Variants in MGAT4C observed in about 807,000 individuals in gnomAD.
MGAT4C encodes the protein alpha-1,3-mannosyl-glycoprotein 4-beta-N-acetylglucosaminyltransferase C.
A neutral mutation model predicts 40.1 loss-of-function variants in MGAT4C; 19 were observed. The ratio of observed to expected loss-of-function variants is 0.47; its 90% confidence interval spans 0.33 to 0.70. MGAT4C has a LOEUF of 0.70. Ranked by LOEUF, MGAT4C falls within the 30% of genes least tolerant of loss-of-function variation. The pLI is 0.02. For synonymous variants in MGAT4C, 181 were observed against 187.1 expected (o/e 0.97, Z 0.27); for missense variants, 491 against 563.2 (o/e 0.87, Z 1.30).
At chr12:86,502,244 C>T (rs1455041919) in intron 2 of MGAT4C, among the ~76,000 whole-genome samples, 2 of 151,812 alleles carry the variant, frequency 1.3e-5, no homozygotes, top group Non-Finnish European at 2.9e-5. Context: ...AGAAGCAAAT[C>T]CTAAAATGAT....
intron 2 of MGAT4C, among the ~76,000 whole-genome samples, chr12:86,022,020 G>A (rs1889784323): frequency 6.6e-6 from 1 of 152,094 alleles, no homozygotes; most frequent in Non-Finnish European, 1.5e-5. Flanking sequence ...CTGTTTAAGT[G>A]TTGTTTTTCT....
chr12:86,200,586 A>C (rs1364722203), intron 1 of MGAT4C, among the ~76,000 whole-genome samples: 1 of 152,058 alleles, frequency 6.6e-6, no homozygotes, highest in Non-Finnish European at 1.5e-5. Context: ...TGTAGTTTCA[A>C]TATTTGTTTC....
At chr12:86,412,775 A>G (rs1467360879) in intron 3 of MGAT4C, among the ~76,000 whole-genome samples, 1 of 152,168 alleles carries the variant, frequency 6.6e-6, no homozygotes, top group Non-Finnish European at 1.5e-5. Context: ...GGGACCATGG[A>G]CCAAATTATA....
At chr12:85,990,284 T>A (rs1027697476) in intron 2 of MGAT4C, among the ~76,000 whole-genome samples, 3 of 152,066 alleles carry the variant, frequency 2.0e-5, no homozygotes, top group South Asian at 2.1e-4. Flanking sequence ...TTTAAAAAAA[T>A]TTTTACTCTT....
At chr12:86,587,513 G>T (rs1961107685) in intron 2 of MGAT4C, among the ~76,000 whole-genome samples, 1 of 151,852 alleles carries the variant, frequency 6.6e-6, no homozygotes, top group Admixed American at 6.6e-5. Flanking sequence ...TGATGGGGAT[G>T]GCATTGAATC....
intron 2 of MGAT4C, among the ~76,000 whole-genome samples, chr12:86,717,115 C>T (rs1313935049): frequency 6.6e-6 from 1 of 151,652 alleles, no homozygotes; most frequent in African/African-American, 2.4e-5. Flanking sequence ...AAAGGACTTC[C>T]TCTGCCTTAG....
intron 3 of MGAT4C, among the ~76,000 whole-genome samples, chr12:86,390,981 T>C (rs534947172): frequency 1.3e-5 from 2 of 152,318 alleles, no homozygotes; most frequent in South Asian, 4.1e-4. Flanking sequence ...AATAAACATA[T>C]CTGATTTCCA....
chr12:86,736,718 C>T (rs984730584), intron 1 of MGAT4C, among the ~76,000 whole-genome samples: 1 of 151,794 alleles, frequency 6.6e-6, no homozygotes, highest in Non-Finnish European at 1.5e-5. Flanking sequence ...AAATTATCCA[C>T]TGTCTGCTGT....
chr12:86,027,083 A>G (rs1890309080), intron 2 of MGAT4C, among the ~76,000 whole-genome samples: 1 of 151,982 alleles, frequency 6.6e-6, no homozygotes, highest in Admixed American at 6.6e-5. Flanking sequence ...ACAATGAATC[A>G]TTATTAGGAA....
At chr12:86,303,097 T>C (rs1490239692) in intron 4 of MGAT4C, among the ~76,000 whole-genome samples, 1 of 150,678 alleles carries the variant, frequency 6.6e-6, no homozygotes, top group Non-Finnish European at 1.5e-5. Flanking sequence ...TTTTACAGTA[T>C]TCTCACTGTA....
chr12:86,111,259 G>A (rs1877353732), intron 1 of MGAT4C, among the ~76,000 whole-genome samples: 1 of 151,716 alleles, frequency 6.6e-6, no homozygotes, highest in African/African-American at 2.4e-5. Context: ...AGAAAATGAG[G>A]ATGGGAATTT....
chr12:86,555,938 A>C (rs1959589769), intron 2 of MGAT4C, among the ~76,000 whole-genome samples: 1 of 152,174 alleles, frequency 6.6e-6, no homozygotes. Context: ...TGATCACTTC[A>C]ACAATATAAA....
chr12:85,983,350 C>T (rs1474913807), intron 4 of MGAT4C, among the ~76,000 whole-genome samples, 173 bp downstream of exon 4: 11 of 152,012 alleles, frequency 7.2e-5, no homozygotes, highest in African/African-American at 2.4e-4. Context: ...ATTAAGTGTA[C>T]TGGGTCAGTG....
At chr12:86,324,660 T>C (rs1477226748) in intron 4 of MGAT4C, among the ~76,000 whole-genome samples, 6 of 152,026 alleles carry the variant, frequency 3.9e-5, no homozygotes, top group Non-Finnish European at 8.8e-5. Flanking sequence ...AATGAGAATA[T>C]ATACGCTTTG....
chr12:86,128,676 A>C (rs1000433939), intron 1 of MGAT4C, among the ~76,000 whole-genome samples: 4 of 152,226 alleles, frequency 2.6e-5, no homozygotes, highest in Non-Finnish European at 5.9e-5. Flanking sequence ...GCAGCTCAAT[A>C]AGCTACAGAA....
At chr12:86,055,174 C>G (rs138561316) in intron 1 of MGAT4C, among the ~76,000 whole-genome samples, 1 of 152,086 alleles carries the variant, frequency 6.6e-6, no homozygotes, top group Non-Finnish European at 1.5e-5. Context: ...GTTCTAACAT[C>G]ATAAGCCTCA....
chr12:86,276,035 G>T (rs1473773199), intron 4 of MGAT4C, among the ~76,000 whole-genome samples: 2 of 150,018 alleles, frequency 1.3e-5, no homozygotes, highest in African/African-American at 4.9e-5. Flanking sequence ...GGAGAATGGC[G>T]TGATCCCGGG....
At chr12:86,227,475 A>C (rs927213774) in intron 1 of MGAT4C, among the ~76,000 whole-genome samples, 37 of 151,902 alleles carry the variant, frequency 2.4e-4, no homozygotes, top group Non-Finnish European at 7.4e-5. Flanking sequence ...TCTGTGCCTA[A>C]AATATTCTTA....
At chr12:86,133,352 T>C (rs1484574801) in intron 1 of MGAT4C, among the ~76,000 whole-genome samples, 1 of 152,244 alleles carries the variant, frequency 6.6e-6, no homozygotes, top group Non-Finnish European at 1.5e-5. Flanking sequence ...AATGTCAGTA[T>C]CCTTATTTGT....
Sources: gnomAD v4.1 joint callset for allele counts (sites outside exome capture counted in the v4.1 genomes callset) on GRCh38, gnomAD v4.1.1 for gene constraint, MANE v1.5 for transcripts, NCBI Gene and HGNC (gene_info 2026-07-23, HGNC 2026-07-21) for gene names.